The following CALD1 variants were observed in gnomAD, a reference collection of about 807,000 sequenced individuals.
CALD1 encodes the protein caldesmon.
In CALD1, 33 loss-of-function variants were observed where a neutral mutation model predicts 99.9. The observed-to-expected ratio is 0.33, with a 90% CI of 0.25 to 0.44. CALD1 has a LOEUF of 0.44. CALD1 is among the 20% of genes least tolerant of loss of function. The probability of loss-of-function intolerance (pLI) is 1.00; values close to 1 mark genes in which losing one functional copy is unlikely to be tolerated. For synonymous variants in CALD1, 310 were observed against 325.0 expected (o/e 0.95, Z 0.50); for missense variants, 861 against 962.1 (o/e 0.89, Z 1.39).
chr7:134,934,227 C>A, intron 5 of CALD1, 150 bp downstream of exon 5: 2 of 1,205,726 alleles, frequency 1.7e-6, no homozygotes, highest in Non-Finnish European at 2.3e-6. Flanking sequence ...TAGCGATACA[C>A]AAGCATGCAG....
At chr7:134,801,123 G>T (rs1309690969) in intron 1 of CALD1, among the ~76,000 whole-genome samples, 1 of 151,452 alleles carries the variant, frequency 6.6e-6, no homozygotes, top group Non-Finnish European at 1.5e-5. Context: ...TCCCTTCCTA[G>T]TGTTTTATTA....
intron 2 of CALD1, among the ~76,000 whole-genome samples, chr7:134,849,991 T>C (rs948853296): frequency 3.3e-5 from 5 of 152,230 alleles, no homozygotes; most frequent in African/African-American, 1.2e-4. Flanking sequence ...GCTAATTAAG[T>C]AAGCAAAGCA....
intron 1 of CALD1, among the ~76,000 whole-genome samples, chr7:134,793,259 A>G (rs942338377): frequency 6.6e-6 from 1 of 152,370 alleles, no homozygotes; most frequent in South Asian, 2.1e-4. Flanking sequence ...TCATTTTTAT[A>G]TATGCTGATC....
chr7:134,757,814 G>A (rs1355771622), intron 1 of CALD1, among the ~76,000 whole-genome samples: 1 of 152,032 alleles, frequency 6.6e-6, no homozygotes, highest in Non-Finnish European at 1.5e-5. Flanking sequence ...GGGAGGCAGA[G>A]GTTGCAGTGA....
chr7:134,756,142 C>T (rs1002868688), intron 1 of CALD1, among the ~76,000 whole-genome samples: 4 of 151,810 alleles, frequency 2.6e-5, no homozygotes, highest in Admixed American at 1.3e-4. Context: ...CCACCCGCCA[C>T]GGCCTCCCAA....
intron 3 of CALD1, among the ~76,000 whole-genome samples, chr7:134,895,288 TTA>T (rs1802481537): frequency 7.0e-6 from 1 of 141,988 alleles, no homozygotes; most frequent in Non-Finnish European, 1.5e-5. Flanking sequence ...AAATTTGGTT[TTA>T]TATATGTATG....
At chr7:134,758,724 A>G (rs1796751846) in intron 1 of CALD1, among the ~76,000 whole-genome samples, 1 of 152,158 alleles carries the variant, frequency 6.6e-6, no homozygotes, top group Non-Finnish European at 1.5e-5. Flanking sequence ...TATTCCTCAA[A>G]GGGATGCTGG....
intron 1 of CALD1, among the ~76,000 whole-genome samples, chr7:134,791,666 A>T (rs965650319): frequency 1.6e-4 from 22 of 134,168 alleles, no homozygotes; most frequent in Non-Finnish European, 2.8e-4. Context: ...GAAATGAAAA[A>T]CAAAAAACAA....
intron 2 of CALD1, among the ~76,000 whole-genome samples, chr7:134,853,884 C>T (rs10268276): frequency 0.2 from 23,346 of 114,972 alleles, 2,681 homozygotes; most frequent in African/African-American, 0.39. Context: ...CCCGACAGGT[C>T]CCAGTGTGTG....
chr7:134,824,154 A>T (rs1798893387), intron 1 of CALD1, among the ~76,000 whole-genome samples: 1 of 152,172 alleles, frequency 6.6e-6, no homozygotes, highest in Non-Finnish European at 1.5e-5. Flanking sequence ...CTTGAAGGGT[A>T]ATTCAAGTTT....
chr7:134,741,608 GC>G (rs1796592059), upstream of CALD1, among the ~76,000 whole-genome samples: 2 of 152,150 alleles, frequency 1.3e-5, no homozygotes, highest in African/African-American at 4.8e-5. Context: ...ACAGGGAGTT[GC>G]TTTAGTGCCC....
chr7:134,924,624 A>G (rs2132851226), intron 3 of CALD1, among the ~76,000 whole-genome samples: 1 of 152,216 alleles, frequency 6.6e-6, no homozygotes, highest in East Asian at 1.9e-4. Context: ...ATGCCATGAA[A>G]CCATTTTAGC....
chr7:134,962,856 A>T (rs1320076755), intron 13 of CALD1: 1 of 456,310 alleles, frequency 2.2e-6, no homozygotes. Flanking sequence ...TCTCTGGTTG[A>T]TTGGAAACCT....
At chr7:134,729,507 G>A in the CALD1 span, among the ~76,000 whole-genome samples, 17 of 152,214 alleles carry the variant, frequency 1.1e-4, no homozygotes, top group Non-Finnish European at 1.6e-4. Context: ...GGTGTGGCAC[G>A]CAGCCCCCGA....
chr7:134,848,911 T>C (rs1166976860), intron 2 of CALD1, among the ~76,000 whole-genome samples: 1 of 152,204 alleles, frequency 6.6e-6, no homozygotes, highest in East Asian at 1.9e-4. Context: ...GCATATTCAG[T>C]CAGTCGTTAA....
intron 1 of CALD1, among the ~76,000 whole-genome samples, chr7:134,836,055 G>T (rs550379115): frequency 1.2e-4 from 17 of 146,630 alleles, no homozygotes; most frequent in South Asian, 2.2e-4. Context: ...TGAAGCAGGA[G>T]AATCACTTGA....
At chr7:134,943,926 T>C (rs924213900) in intron 7 of CALD1, among the ~76,000 whole-genome samples, 1 of 152,224 alleles carries the variant, frequency 6.6e-6, no homozygotes, top group Non-Finnish European at 1.5e-5. Context: ...ATGGATGTAT[T>C]AGGACTTATT....
intron 1 of CALD1, among the ~76,000 whole-genome samples, chr7:134,771,714 C>A (rs907143571): frequency 5.3e-5 from 8 of 152,128 alleles, no homozygotes; most frequent in Non-Finnish European, 1.5e-5. Flanking sequence ...CTCTGGATGG[C>A]GGATCTGGCC....
intron 3 of CALD1, among the ~76,000 whole-genome samples, chr7:134,905,940 T>C (rs1210144569): frequency 2.7e-5 from 4 of 149,006 alleles, no homozygotes; most frequent in Non-Finnish European, 4.5e-5. Context: ...TTTTTTTTTT[T>C]TTTTTTGAGA....
Sources: gnomAD v4.1 joint callset for allele counts (sites outside exome capture counted in the v4.1 genomes callset) on GRCh38, gnomAD v4.1.1 for gene constraint, MANE v1.5 for transcripts, NCBI Gene and HGNC (gene_info 2026-07-23, HGNC 2026-07-21) for gene names.